Variants in SLC39A12 observed in about 807,000 individuals in gnomAD.
SLC39A12 encodes the protein zinc transporter ZIP12.
In SLC39A12, 63 loss-of-function variants were observed where a neutral mutation model predicts 71.1. That is an observed-to-expected ratio of 0.89 (90% confidence interval 0.72 to 1.09). The LOEUF (loss-of-function observed/expected upper bound fraction) is 1.09. SLC39A12 is among the 50% of genes least tolerant of loss of function. The pLI is 0.00. For synonymous variants in SLC39A12, 351 were observed against 301.3 expected (o/e 1.16, Z -1.71); for missense variants, 892 against 812.6 (o/e 1.10, Z -1.19).
At chr10:18,005,579 T>C (rs1015621603) in intron 12 of SLC39A12, 2 of 152,268 alleles carry the variant, frequency 1.3e-5, no homozygotes, top group Admixed American at 6.5e-5. Flanking sequence ...AGGATGAATG[T>C]CGATGTCTGT....
At chr10:17,990,014 T>C (rs1311810817) in intron 7 of SLC39A12, among the ~76,000 whole-genome samples, 1 of 152,208 alleles carries the variant, frequency 6.6e-6, no homozygotes. Flanking sequence ...GTGGCAAGTT[T>C]TCAAACGTCT....
At chr10:18,003,054 C>A in intron 11 of SLC39A12, 117 bp from the exon 12 acceptor site, 1 of 808,660 alleles carries the variant, frequency 1.2e-6, no homozygotes, top group Non-Finnish European at 2.0e-6. Flanking sequence ...GATCACTCAA[C>A]TCTACCTATA....
chr10:17,992,109 AC>A lies in SLC39A12; in HGVS notation c.1422+807del, dbSNP rs376976029. On this transcript the variant is annotated intron_variant, in intron 8 of 12. Coordinates refer to ENST00000377369, the MANE Select transcript of SLC39A12 (RefSeq NM_001145195.2). ...ATCTCAAAAAAAAAAAAAAAAAAAA[AC>A]AAAAGAAAAAATAAATAGCATAGCA... Among the ~76,000 whole-genome samples the A allele has an allele frequency of 3.5e-3, 475 of 134,074 alleles. 3 individuals are homozygous for A. The highest frequency in any genetic ancestry group is 0.011 in the African/African-American group (409 of 37,062). The allele number at this position is 134,074 out of a possible 152,430, so 88.0% of individuals were successfully genotyped here. A position where few individuals can be genotyped will look rare whatever the true frequency, so the allele number is the denominator to read the frequency against.
Position 18,003,292 on chromosome 10 carries a change from A to G in SLC39A12, c.1881A>G (p.Pro627=), listed in dbSNP as rs1835888478. The G allele has an allele frequency of 1.9e-6, 3 of 1,613,982 alleles. No homozygotes were observed. Among genetic ancestry groups the G allele is most frequent in the South Asian group, 2.2e-5 (2 of 91,088 alleles). ...TTGGCCTTTCCGTGTCAGCTGATCC[A>G]TGTGTTCAAGACTGGATCTTCACAG... is the stretch of plus-strand genomic sequence containing the variant. ...LYIGLSVSAD[P]CVQDWIFTVT... Residue 627 remains proline (P), a synonymous_variant, in exon 12 of 13, where the codon CCA becomes CCG. Coordinates refer to ENST00000377369, the MANE Select transcript of SLC39A12 (RefSeq NM_001145195.2).
intron 12 of SLC39A12, among the ~76,000 whole-genome samples, chr10:18,027,558 T>C (rs1343167392): frequency 6.6e-6 from 1 of 152,208 alleles, no homozygotes; most frequent in East Asian, 1.9e-4. Context: ...AATTTTAAAC[T>C]CAGAGTTGTC....
intron 5 of SLC39A12, among the ~76,000 whole-genome samples, chr10:17,979,379 A>G (rs1305678111): frequency 6.6e-6 from 1 of 152,222 alleles, no homozygotes; most frequent in Non-Finnish European, 1.5e-5. Flanking sequence ...ACTAGAAACT[A>G]TTCGACTTCT....
chr10:17,991,375 C>A, intron 8 of SLC39A12, 72 bp downstream of exon 8: 1 of 1,315,468 alleles, frequency 7.6e-7, no homozygotes, highest in Non-Finnish European at 1.0e-6. Context: ...TTCACAAGTA[C>A]TTGTTCAAAA....
At chr10:17,980,000 G>C (rs905251736) in intron 5 of SLC39A12, among the ~76,000 whole-genome samples, 1 of 152,084 alleles carries the variant, frequency 6.6e-6, no homozygotes, top group African/African-American at 2.4e-5. Context: ...AAAGAAAAAA[G>C]AAAATACTTG....
chr10:17,970,091 T>G (rs903817925), intron 4 of SLC39A12, among the ~76,000 whole-genome samples: 2 of 152,172 alleles, frequency 1.3e-5, no homozygotes, highest in South Asian at 2.1e-4. Flanking sequence ...TAAAATGAGT[T>G]CACTTTAGGT....
At chr10:17,981,954 T>C (rs1166357532) in intron 6 of SLC39A12, among the ~76,000 whole-genome samples, 1 of 152,218 alleles carries the variant, frequency 6.6e-6, no homozygotes, top group Non-Finnish European at 1.5e-5. Flanking sequence ...TCATGCTTTT[T>C]TTCCTCAGAG....
chr10:17,955,892 A>C (rs12570689), intron 2 of SLC39A12, among the ~76,000 whole-genome samples: 6,392 of 152,244 alleles, frequency 0.042, 355 homozygotes, highest in East Asian at 0.2. Context: ...AAATAACTCC[A>C]AAACAATACA....
intron 12 of SLC39A12, among the ~76,000 whole-genome samples, chr10:18,036,296 TG>T (rs1157409402): frequency 4.6e-5 from 7 of 152,082 alleles, no homozygotes; most frequent in Admixed American, 2.6e-4. Context: ...CAGTAATCAG[TG>T]AGACTCCGTG....
chr10:18,000,216 C>G (rs746445351), intron 10 of SLC39A12, among the ~76,000 whole-genome samples: 1 of 152,186 alleles, frequency 6.6e-6, no homozygotes, highest in African/African-American at 2.4e-5. Context: ...CCCAAAGGCC[C>G]TACCTCCTCA....
In SLC39A12 at chr10:18,000,774, G is replaced by C; in HGVS notation, c.1708G>C (p.Gly570Arg). ...AGCCTTCTCATCATCATCCGAGTCAGGAGTGACCACTACGATTGCTATCTT... is the reference window on the plus strand; with the variant it reads ...AGCCTTCTCATCATCATCCGAGTCACGAGTGACCACTACGATTGCTATCTT... ...GAAFSSSSES[G>R]VTTTIAILCH... Residue 570 changes from glycine (G) to arginine (R), a missense_variant, in exon 11 of 13, where the codon GGA (glycine) becomes CGA (arginine). Transcript: ENST00000377369. 6.2e-7 allele frequency: 1 copy of C among 1,614,172 alleles called. No individual in the cohort carries two copies. The highest frequency in any genetic ancestry group is 8.5e-7 in the Non-Finnish European group (1 of 1,180,016).
At chr10:17,966,471 C>T (rs547498521) in intron 4 of SLC39A12, among the ~76,000 whole-genome samples, 1 of 151,860 alleles carries the variant, frequency 6.6e-6, no homozygotes, top group African/African-American at 2.4e-5. Flanking sequence ...TCACCATGCC[C>T]AGCTAATTTT....
intron 12 of SLC39A12, among the ~76,000 whole-genome samples, chr10:18,006,737 C>T (rs1836032084): frequency 6.6e-6 from 1 of 152,300 alleles, no homozygotes; most frequent in African/African-American, 2.4e-5. Context: ...GTGTTCAACA[C>T]TGGCCCTGCC....
chr10:17,977,641 T>C (rs549398579), intron 4 of SLC39A12, among the ~76,000 whole-genome samples: 5 of 152,340 alleles, frequency 3.3e-5, no homozygotes, highest in Admixed American at 3.3e-4. Flanking sequence ...TAATCTATGA[T>C]GGATGTATAA....
At chr10:17,962,961 G>C (rs1834729784) in intron 3 of SLC39A12, among the ~76,000 whole-genome samples, 1 of 152,122 alleles carries the variant, frequency 6.6e-6, no homozygotes, top group South Asian at 2.1e-4. Context: ...TTTGGGATCA[G>C]CCTAGGCAAC....
rs551159789 is a variant in SLC39A12, at chr10:18,040,878, A to AT, written c.1948-1822dup. ...TCTGAGTCGTTCTCTACTGGAGGTG[A>AT]TTTTTATCCCCCAGAGAAAATTTGA... On this transcript the variant is annotated intron_variant, in intron 12 of 12. Transcript: ENST00000377369. Among the ~76,000 whole-genome samples, 18 of 151,802 alleles carry AT rather than the reference A, an allele frequency of 1.2e-4. No individual in the cohort carries two copies. The South Asian group carries it at 3.7e-3, about 32-fold the overall frequency.
Sources: gnomAD v4.1 joint callset for allele counts (sites outside exome capture counted in the v4.1 genomes callset) on GRCh38, gnomAD v4.1.1 for gene constraint, MANE v1.5 for transcripts, NCBI Gene and HGNC (gene_info 2026-07-23, HGNC 2026-07-21) for gene names.